MYO1D: variants seen among roughly 807,000 people sequenced by gnomAD.
MYO1D encodes unconventional myosin-Id.
A neutral mutation model predicts 122.0 loss-of-function variants in MYO1D; 83 were observed. The ratio of observed to expected loss-of-function variants is 0.68; its 90% CI spans 0.57 to 0.82. The LOEUF is 0.82. Among genes scored for constraint, MYO1D ranks in the 40% least tolerant of loss-of-function variants. The pLI is 0.00. For missense variants in MYO1D, 1,157 were observed against 1,269.5 expected (o/e 0.91, Z 1.35); for synonymous variants, 464 against 446.9 (o/e 1.04, Z -0.48).
At chr17:32,575,861 T>C (rs1168940849) in intron 21 of MYO1D, among the ~76,000 whole-genome samples, 2 of 152,214 alleles carry the variant, frequency 1.3e-5, no homozygotes, top group Non-Finnish European at 2.9e-5. Context: ...TAGCATTCCA[T>C]GGCAACAGAA....
At chr17:32,732,278 C>A (rs1038168614) in intron 14 of MYO1D, among the ~76,000 whole-genome samples, 16 of 152,182 alleles carry the variant, frequency 1.1e-4, no homozygotes, top group Admixed American at 2.0e-4. Flanking sequence ...CTGGTGAAAT[C>A]CCACCTTTGG....
chr17:32,654,216 T>G (rs562102320), intron 18 of MYO1D, among the ~76,000 whole-genome samples: 1 of 152,310 alleles, frequency 6.6e-6, no homozygotes, highest in South Asian at 2.1e-4. Flanking sequence ...CACTGAATGA[T>G]GTAAGGGAAG....
chr17:32,592,850 C>T (rs909789264), intron 21 of MYO1D, among the ~76,000 whole-genome samples: 1 of 152,146 alleles, frequency 6.6e-6, no homozygotes, highest in Non-Finnish European at 1.5e-5. Flanking sequence ...GTATATAGCA[C>T]TGAAAAAAAC....
At chr17:32,743,123 C>G (rs77199869) in intron 13 of MYO1D, among the ~76,000 whole-genome samples, 1,921 of 152,294 alleles carry the variant, frequency 0.013, 21 homozygotes, top group Non-Finnish European at 0.019. Context: ...CTCTCAGTTT[C>G]CTTTGCTAGT....
chr17:32,660,146 CCCCTTTCTTT>C (rs1316747934), intron 16 of MYO1D, among the ~76,000 whole-genome samples: 1 of 152,140 alleles, frequency 6.6e-6, no homozygotes, highest in Non-Finnish European at 1.5e-5. Flanking sequence ...GAAGTGTAAA[CCCCTTTCTTT>C]CCCTTTCTGC....
At chr17:32,630,350 C>T (rs2150932812) in intron 20 of MYO1D, among the ~76,000 whole-genome samples, 1 of 152,200 alleles carries the variant, frequency 6.6e-6, no homozygotes, top group East Asian at 1.9e-4. Flanking sequence ...AGACGTCCAG[C>T]CTAGTAATAT....
intron 5 of MYO1D, 107 bp from the exon 6 acceptor site, chr17:32,771,327 G>T: frequency 2.8e-6 from 2 of 719,024 alleles, no homozygotes; most frequent in Non-Finnish European, 2.2e-6. Context: ...ATTCACTTAT[G>T]TCTTCCTGTT....
At chr17:32,646,184 C>T (rs2088291444) in intron 19 of MYO1D, among the ~76,000 whole-genome samples, 1 of 152,152 alleles carries the variant, frequency 6.6e-6, no homozygotes. Context: ...CATGTTTAAC[C>T]CAGTATTTAC....
chr17:32,763,892 C>A (rs2090028179), intron 8 of MYO1D, among the ~76,000 whole-genome samples: 3 of 152,112 alleles, frequency 2.0e-5, no homozygotes, highest in Admixed American at 6.5e-5. Flanking sequence ...TGCACTCCAG[C>A]CTGGATGGCA....
intron 1 of MYO1D, among the ~76,000 whole-genome samples, chr17:32,863,301 C>G (rs548085249): frequency 1.3e-5 from 2 of 152,170 alleles, no homozygotes; most frequent in Non-Finnish European, 2.9e-5. Context: ...GCCTTTCCAG[C>G]CAAACACAGC....
At chr17:32,807,956 C>T (rs565919434) in intron 1 of MYO1D, among the ~76,000 whole-genome samples, 1 of 152,244 alleles carries the variant, frequency 6.6e-6, no homozygotes, top group Admixed American at 6.5e-5. Flanking sequence ...GATGTCAGCC[C>T]CTACTGATGT....
chr17:32,659,060 A>T, intron 17 of MYO1D, 55 bp downstream of exon 17: 2 of 1,478,958 alleles, frequency 1.4e-6, no homozygotes, highest in Non-Finnish European at 9.4e-7. Context: ...GTGACTTTGC[A>T]TAGTATTAAC....
chr17:32,675,267 A>T (rs1206102487), intron 16 of MYO1D, among the ~76,000 whole-genome samples: 1 of 152,246 alleles, frequency 6.6e-6, no homozygotes, highest in Non-Finnish European at 1.5e-5. Context: ...ACTGTTATAG[A>T]GAAAAACCTA....
chr17:32,773,119 A>T (rs2090135511), intron 4 of MYO1D, among the ~76,000 whole-genome samples: 1 of 152,138 alleles, frequency 6.6e-6, no homozygotes. Flanking sequence ...CTGACTTACG[A>T]CCTCAAGTCC....
intron 1 of MYO1D, among the ~76,000 whole-genome samples, chr17:32,793,593 A>T (rs1208333545): frequency 6.6e-6 from 1 of 152,028 alleles, no homozygotes; most frequent in Admixed American, 6.5e-5. Context: ...GATTTGGAAA[A>T]GGATGCTTTA....
At chr17:32,770,364 A>G (rs549568880) in intron 6 of MYO1D, among the ~76,000 whole-genome samples, 1 of 152,284 alleles carries the variant, frequency 6.6e-6, no homozygotes, top group South Asian at 2.1e-4. Flanking sequence ...TTAAATAAGG[A>G]AAAACAGAAC....
intron 1 of MYO1D, among the ~76,000 whole-genome samples, chr17:32,819,900 C>T (rs963780618): frequency 3.3e-5 from 5 of 152,284 alleles, no homozygotes; most frequent in South Asian, 4.1e-4. Context: ...GTGGCTAAGT[C>T]GGAATTTCAA....
rs573329882 is a variant in MYO1D at position 32,498,656 on chromosome 17, A to C, written c.2865-3741T>G. Reference sequence around the variant, plus strand: ...GAGTGATGCACGTGAGGCACTTTGAAAGATGTGAAGGACTGTGTGTAAAAC... The same window carrying C: ...GAGTGATGCACGTGAGGCACTTTGACAGATGTGAAGGACTGTGTGTAAAAC... On this transcript the variant is annotated intron_variant, in intron 21 of 21. Transcript: ENST00000318217. 4.6e-5 allele frequency: 7 copies of C among 152,280 alleles called. No individual in the cohort carries two copies. In the South Asian group the frequency reaches 1.2e-3, roughly 27 times the overall value. 9.4% of individuals were successfully genotyped at this position (152,280 alleles called of 1,614,324 possible).
chr17:32,677,830 T>C (rs115196784), intron 16 of MYO1D, among the ~76,000 whole-genome samples: 6,074 of 152,148 alleles, frequency 0.04, 375 homozygotes, highest in African/African-American at 0.13. Flanking sequence ...TTTCTGTATG[T>C]GAACCATGGA....
Sources: allele counts gnomAD v4.1 joint callset (sites outside exome capture counted in the v4.1 genomes callset), GRCh38; gene constraint gnomAD v4.1.1; transcripts MANE v1.5; gene names NCBI Gene and HGNC (gene_info 2026-07-23, HGNC 2026-07-21).